The following SDK1 variants were observed in gnomAD, a reference collection of about 807,000 sequenced individuals.
SDK1 encodes the protein protein sidekick-1.
Under a neutral mutation model 245.5 loss-of-function variants are expected in SDK1, and 157 were observed. The observed-to-expected ratio is 0.64, with a 90% CI of 0.56 to 0.73. The LOEUF (loss-of-function observed/expected upper bound fraction) is 0.73, where lower values mean the gene tolerates loss of function less well. SDK1 is among the 30% of genes least tolerant of loss of function. SDK1 has a pLI of 0.00. For synonymous variants in SDK1, 1,647 were observed against 1,278.5 expected, an observed-to-expected ratio of 1.29 and a Z score of -6.15; for missense variants, 3,583 against 3,002.3, an observed-to-expected ratio of 1.19 and a Z score of -4.52.
chr7:4,029,792 T>A (rs1283612368), intron 17 of SDK1, among the ~76,000 whole-genome samples: 1 of 152,144 alleles, frequency 6.6e-6, no homozygotes, highest in African/African-American at 2.4e-5. Flanking sequence ...AATATGCAGG[T>A]GTCACAGCTA....
chr7:3,483,601 A>G lies in SDK1; in HGVS notation c.299-135479A>G, dbSNP rs143910103. On this transcript the variant is annotated intron_variant, in intron 1 of 44. Transcript: ENST00000404826. The stretch of plus-strand genomic sequence containing the variant: ...ACAATGCGGGATTTTAACAAGTGGA[A>G]CAGATATCCTTGTTTTCTTCTTCAT... 1.3e-3 allele frequency among the ~76,000 whole-genome samples: 194 copies of G among 152,340 alleles called. 4 individuals carry two copies. In the East Asian group the frequency reaches 0.034, roughly 27 times the overall value.
intron 34 of SDK1, among the ~76,000 whole-genome samples, chr7:4,177,330 G>T (rs1218812957): frequency 1.3e-5 from 2 of 152,208 alleles, no homozygotes; most frequent in Non-Finnish European, 2.9e-5. Flanking sequence ...GCCACCCACA[G>T]AGCAGTGTTA....
chr7:3,517,613 G>A (rs1031670441), intron 1 of SDK1, among the ~76,000 whole-genome samples: 13 of 152,092 alleles, frequency 8.5e-5, no homozygotes, highest in Admixed American at 5.2e-4. Context: ...AGCCTGTCCC[G>A]CCTAGAGTAA....
In SDK1 at chr7:4,265,333, C is replaced by A. The variant is rs561562740; in HGVS notation, c.6591C>A (p.Pro2197=). 1.4e-6 allele frequency: 2 copies of A among 1,479,614 alleles called. No homozygotes were observed. Among genetic ancestry groups the A allele is most frequent in the South Asian group, 1.4e-5 (1 of 73,072 alleles). The allele number at this position is 1,479,614 out of a possible 1,614,324, so 91.7% of individuals were successfully genotyped here. A position where few individuals can be genotyped will look rare whatever the true frequency, so the allele number is the denominator to read the frequency against. Residue 2197 remains proline, a synonymous_variant, in exon 45 of 45, where the codon CCC becomes CCA. Transcript: ENST00000404826. ...AGAGCGCGGGCGGCGTCTACACCCC[C>A]GCTGGCCCCGGCGCGCGAACTCCGC... The part of the protein sequence containing the change: ...TTQSAGGVYT[P]AGPGARTPLT...
intron 22 of SDK1, among the ~76,000 whole-genome samples, chr7:4,091,424 C>T (rs757283011): frequency 6.8e-6 from 1 of 147,484 alleles, no homozygotes; most frequent in Admixed American, 6.8e-5. Context: ...CTCACTGCAA[C>T]CTCCACCTCC....
rs1243976342 is a variant in SDK1 at position 3,867,198 on chromosome 7, A to G, written c.847+45615A>G. ...AGTGAAATTAAAATTGACCTTGGCC[A>G]GTTTTGTTCTGAAGAGATGAGTTCA... is the stretch of plus-strand genomic sequence containing the variant. On this transcript the variant is annotated intron_variant, in intron 5 of 44. Transcript: ENST00000404826. Among the ~76,000 whole-genome samples, 6 of 152,220 alleles carry G rather than the reference A, an allele frequency of 3.9e-5. No homozygotes were observed. The South Asian group carries it at 6.2e-4, about 16-fold the overall frequency.
intron 32 of SDK1, among the ~76,000 whole-genome samples, chr7:4,162,620 G>A (rs1029097418): frequency 1.3e-5 from 2 of 151,896 alleles, no homozygotes; most frequent in Non-Finnish European, 2.9e-5. Flanking sequence ...GGCTGATCTT[G>A]AACTCCTGAC....
intron 4 of SDK1, among the ~76,000 whole-genome samples, chr7:3,717,217 G>T (rs1489887612): frequency 1.3e-5 from 2 of 152,072 alleles, no homozygotes; most frequent in Non-Finnish European, 2.9e-5. Flanking sequence ...AAATCTCAAT[G>T]AATTTTAAAG....
intron 5 of SDK1, among the ~76,000 whole-genome samples, chr7:3,860,600 A>G (rs1428184193): frequency 2.0e-5 from 3 of 152,204 alleles, no homozygotes; most frequent in Non-Finnish European, 2.9e-5. Context: ...ATTTGGTGAT[A>G]TCTATTGAGA....
At chr7:3,402,655 T>G (rs1446460900) in intron 1 of SDK1, among the ~76,000 whole-genome samples, 1 of 152,182 alleles carries the variant, frequency 6.6e-6, no homozygotes, top group African/African-American at 2.4e-5. Context: ...ATCTGGGCCA[T>G]TTTTGAGGTG....
intron 41 of SDK1, among the ~76,000 whole-genome samples, chr7:4,233,683 A>G (rs903518203): frequency 2.6e-5 from 4 of 152,160 alleles, no homozygotes; most frequent in Non-Finnish European, 4.4e-5. Flanking sequence ...CTGCTGCTGT[A>G]GGTGTCTCCA....
chr7:3,832,028 G>A (rs1779924980), intron 5 of SDK1, among the ~76,000 whole-genome samples: 1 of 152,118 alleles, frequency 6.6e-6, no homozygotes, highest in Admixed American at 6.5e-5. Context: ...TCCAGCCTGG[G>A]CAACACAGCA....
intron 20 of SDK1, among the ~76,000 whole-genome samples, chr7:4,074,884 C>CTGTA (rs1373832090): frequency 1.6e-5 from 1 of 62,490 alleles, no homozygotes; most frequent in Non-Finnish European, 2.8e-5. Flanking sequence ...CTCTCTCTCT[C>CTGTA]TGTATATATA....
chr7:3,781,452 C>A (rs1460041412), intron 4 of SDK1, among the ~76,000 whole-genome samples: 1 of 152,080 alleles, frequency 6.6e-6, no homozygotes, highest in Non-Finnish European at 1.5e-5. Context: ...TCAAAGAACA[C>A]CTGTAAAGGC....
chr7:3,813,872 G>A (rs1272768818), intron 4 of SDK1, among the ~76,000 whole-genome samples: 3 of 126,710 alleles, frequency 2.4e-5, no homozygotes, highest in African/African-American at 6.6e-5. Flanking sequence ...GTGATGATGA[G>A]CATTTTTTCA....
At chr7:3,901,557 ATTTTGAGTG>A (rs1338955255) in intron 5 of SDK1, among the ~76,000 whole-genome samples, 2 of 152,144 alleles carry the variant, frequency 1.3e-5, no homozygotes, top group Non-Finnish European at 2.9e-5. Context: ...ATTATTGATT[ATTTTGAGTG>A]TGATTATTAA....
At chr7:3,605,945 C>A (rs1781411367) in intron 1 of SDK1, among the ~76,000 whole-genome samples, 1 of 151,710 alleles carries the variant, frequency 6.6e-6, no homozygotes, top group Non-Finnish European at 1.5e-5. Flanking sequence ...TTGGAATGAT[C>A]CAATTATCTA....
At chr7:3,971,402 C>G (rs1012057082) in intron 11 of SDK1, 64 bp from the exon 12 acceptor site, 1 of 1,114,446 alleles carries the variant, frequency 9.0e-7, no homozygotes, top group Admixed American at 1.9e-5. Flanking sequence ...GGCATTATCC[C>G]CCCTGAGGGC....
At chr7:3,984,589 G>A (rs1209936262) in intron 13 of SDK1, among the ~76,000 whole-genome samples, 1 of 152,114 alleles carries the variant, frequency 6.6e-6, no homozygotes, top group African/African-American at 2.4e-5. Context: ...ATAGCATATG[G>A]TCACCTGGCC....
Sources: allele counts gnomAD v4.1 joint callset (sites outside exome capture counted in the v4.1 genomes callset), GRCh38; gene constraint gnomAD v4.1.1; transcripts MANE v1.5; gene names NCBI Gene and HGNC (gene_info 2026-07-23, HGNC 2026-07-21).